BCAS3: variants seen among roughly 807,000 people sequenced by gnomAD.
BCAS3 encodes BCAS3 microtubule associated cell migration factor.
A neutral mutation model predicts 116.1 loss-of-function variants in BCAS3; 53 were observed. The observed-to-expected ratio is 0.46, with a 90% CI of 0.37 to 0.57. The LOEUF (loss-of-function observed/expected upper bound fraction) is 0.57. Ranked by LOEUF, BCAS3 falls within the 20% of genes least tolerant of loss-of-function variation. BCAS3 has a pLI of 0.00. For synonymous variants in BCAS3, 391 were observed against 408.2 expected (o/e 0.96, Z 0.51); for missense variants, 917 against 1,165.4 (o/e 0.79, Z 3.10).
intron 6 of BCAS3, among the ~76,000 whole-genome samples, chr17:60,779,969 T>C (rs12941390): frequency 6.6e-6 from 1 of 152,084 alleles, no homozygotes; most frequent in South Asian, 2.1e-4. Context: ...TATTCAAATA[T>C]CTAAAAAACT....
rs1487831145 is a variant in BCAS3 at position 61,248,561 on chromosome 17, GT to G, written c.2426-119765del. Reference sequence around the variant, plus strand: ...AAGATTAGAGTGCAAAGTCCATCTGGTGAGAATTTGTCTGGTTTGTGCTTCC... The same window carrying G: ...AAGATTAGAGTGCAAAGTCCATCTGGGAGAATTTGTCTGGTTTGTGCTTCC... On this transcript the variant is annotated intron_variant, in intron 22 of 23. Coordinates refer to ENST00000407086, the MANE Select transcript of BCAS3 (RefSeq NM_017679.5). The surrounding 1 kb of genome is among the most constrained non-coding windows in gnomAD (Gnocchi z 4.3). Among the ~76,000 whole-genome samples the G allele has an allele frequency of 6.6e-6, 1 of 152,190 alleles. No homozygotes were observed. Among genetic ancestry groups the G allele is most frequent in the Non-Finnish European group, 1.5e-5 (1 of 68,034 alleles).
chr17:60,891,605 C>G, intron 10 of BCAS3: 1 of 445,646 alleles, frequency 2.2e-6, no homozygotes, highest in South Asian at 1.6e-5. Context: ...GTACCAGTCT[C>G]TTTCAGTGAA....
chr17:60,689,522 A>G (rs961133143), intron 3 of BCAS3, among the ~76,000 whole-genome samples, 164 bp from the exon 4 acceptor site: 49 of 152,180 alleles, frequency 3.2e-4, no homozygotes, highest in African/African-American at 1.2e-3. Context: ...CTCATGGATA[A>G]TATTCTTTGG....
At chr17:60,702,698 TC>T (rs545549341) in intron 4 of BCAS3, among the ~76,000 whole-genome samples, 79 of 152,132 alleles carry the variant, frequency 5.2e-4, no homozygotes, top group Non-Finnish European at 1.1e-3. Context: ...CAAGCAATCT[TC>T]CCACCTCAGC....
chr17:60,793,371 AG>A (rs769425370), intron 6 of BCAS3, among the ~76,000 whole-genome samples: 11 of 152,152 alleles, frequency 7.2e-5, no homozygotes, highest in Non-Finnish European at 1.3e-4. Context: ...CTGGGATTAC[AG>A]GTGTGAGCCA....
rs1186607643 is a variant in BCAS3 at position 61,132,885 on chromosome 17, C to G, written c.2425+48321C>G. Among the ~76,000 whole-genome samples the G allele has an allele frequency of 1.3e-5, 2 of 152,148 alleles. No individual in the cohort carries two copies. The highest frequency in any genetic ancestry group is 2.9e-5 in the Non-Finnish European group (2 of 68,020). On this transcript the variant is annotated intron_variant, in intron 22 of 23. Transcript: ENST00000407086. This position sits in a 1 kb window ranked among gnomAD's most constrained non-coding sequence, Gnocchi z 5.1. ...AAATGCCACCACCCCTGATTCATGA[C>G]CTGACCTACTGAAAGGTTTAACTTC...
intron 13 of BCAS3, among the ~76,000 whole-genome samples, chr17:60,935,703 A>G (rs946039052): frequency 2.6e-5 from 4 of 152,104 alleles, no homozygotes; most frequent in Non-Finnish European, 5.9e-5. Context: ...TATCTTTGAA[A>G]CTTTATCTTT....
At chr17:60,984,374 A>G (rs187981674) in intron 14 of BCAS3, among the ~76,000 whole-genome samples, 403 of 152,308 alleles carry the variant, frequency 2.6e-3, no homozygotes, top group Admixed American at 6.1e-3. Context: ...AAGACCTAAT[A>G]CACTGAAAAG....
chr17:60,729,403 A>G (rs1375698196), intron 5 of BCAS3, among the ~76,000 whole-genome samples: 2 of 150,634 alleles, frequency 1.3e-5, no homozygotes, highest in South Asian at 2.1e-4. Context: ...TTGTGGCCCC[A>G]TCACCTCCAA....
intron 6 of BCAS3, among the ~76,000 whole-genome samples, chr17:60,775,423 C>G (rs780050204): frequency 2.0e-5 from 3 of 152,114 alleles, no homozygotes; most frequent in African/African-American, 4.8e-5. Flanking sequence ...GTCTTAACAA[C>G]AAGAAGTGTG....
At chr17:61,099,307 G>A (rs2074173860) in intron 22 of BCAS3, among the ~76,000 whole-genome samples, 2 of 152,074 alleles carry the variant, frequency 1.3e-5, no homozygotes, top group African/African-American at 2.4e-5. Context: ...AATATTTCTT[G>A]ATATCTGATT....
intron 5 of BCAS3, among the ~76,000 whole-genome samples, chr17:60,727,851 A>AT (rs1396737630): frequency 3.4e-5 from 5 of 148,008 alleles, no homozygotes; most frequent in Admixed American, 2.1e-4. Context: ...TCTGTTGGCC[A>AT]TGCTGGAGTA....
intron 22 of BCAS3, among the ~76,000 whole-genome samples, chr17:61,236,447 A>G (rs1212246379): frequency 6.6e-6 from 1 of 152,110 alleles, no homozygotes; most frequent in Non-Finnish European, 1.5e-5. Context: ...AGCCTCCTGA[A>G]TAGCTGGGAC....
chr17:60,868,276 C>T (rs547462736), intron 7 of BCAS3, among the ~76,000 whole-genome samples: 3 of 152,074 alleles, frequency 2.0e-5, no homozygotes, highest in East Asian at 1.9e-4. Context: ...CCACCTGCCT[C>T]GGCCTCCCAA....
chr17:60,727,931 C>T (rs1436725846), intron 5 of BCAS3, among the ~76,000 whole-genome samples: 1 of 151,842 alleles, frequency 6.6e-6, no homozygotes, highest in Non-Finnish European at 1.5e-5. Context: ...CCTCAGCCTC[C>T]TGGGTAGCTG....
In BCAS3 at chr17:60,947,215, C is replaced by G. The variant is rs1448544431; in HGVS notation, c.1088-4C>G. 1 of 1,606,744 alleles carries G rather than the reference C, an allele frequency of 6.2e-7. No individual in the cohort carries two copies. The highest frequency in any genetic ancestry group is 8.5e-7 in the Non-Finnish European group (1 of 1,176,408). ...ATTTTTACCCTTTGTTTTTTGTCTT[C>G]CAGGAATGCTTCTAGTCACAACAGA... On this transcript the variant is annotated splice_region_variant and splice_polypyrimidine_tract_variant and intron_variant, in intron 13 of 23. Transcript: ENST00000407086.
At chr17:61,358,492 C>A (rs1017982099) in intron 22 of BCAS3, among the ~76,000 whole-genome samples, 1 of 132,744 alleles carries the variant, frequency 7.5e-6, no homozygotes, top group Non-Finnish European at 1.6e-5. Flanking sequence ...TAGTTGGGCA[C>A]GTTTTTAATT....
At chr17:60,680,295 A>G (rs138336606) in intron 2 of BCAS3, among the ~76,000 whole-genome samples, 2 of 152,286 alleles carry the variant, frequency 1.3e-5, no homozygotes, top group African/African-American at 4.8e-5. Context: ...TTTAACTTTT[A>G]AGTTCAAGGG....
At chr17:60,718,434 G>C (rs1214425914) in intron 5 of BCAS3, among the ~76,000 whole-genome samples, 1 of 151,952 alleles carries the variant, frequency 6.6e-6, no homozygotes, top group Non-Finnish European at 1.5e-5. Context: ...TCAATATTTG[G>C]TTAGTTTTTA....
Sources: allele counts gnomAD v4.1 joint callset (sites outside exome capture counted in the v4.1 genomes callset), GRCh38; gene constraint gnomAD v4.1.1; non-coding constraint Gnocchi (gnomAD v3.1); transcripts MANE v1.5; gene names NCBI Gene and HGNC (gene_info 2026-07-23, HGNC 2026-07-21).